Variants in PAFAH1B1 observed in about 807,000 individuals in gnomAD.
PAFAH1B1 encodes the protein platelet activating factor acetylhydrolase 1b regulatory subunit 1.
Under a neutral mutation model 57.5 loss-of-function variants are expected in PAFAH1B1, and 2 were observed. The ratio of observed to expected loss-of-function variants is 0.03; its 90% CI spans 0.01 to 0.11. The LOEUF is 0.11. Ranked by LOEUF, PAFAH1B1 falls within the 10% of genes least tolerant of loss-of-function variation. The pLI is 1.00. For synonymous variants in PAFAH1B1, 152 were observed against 169.6 expected (o/e 0.90, Z 0.81); for missense variants, 257 against 512.0 (o/e 0.50, Z 4.81).
intron 2 of PAFAH1B1, 141 bp from the exon 3 acceptor site, chr17:2,665,231 T>G (rs2069090673): frequency 6.2e-6 from 4 of 646,208 alleles, no homozygotes; most frequent in Non-Finnish European, 1.1e-5. Context: ...GGTGTCCTTT[T>G]TAATGAAATA....
chr17:2,602,843 G>T (rs1237744159), intron 1 of PAFAH1B1, among the ~76,000 whole-genome samples: 2 of 152,208 alleles, frequency 1.3e-5, no homozygotes, highest in East Asian at 1.9e-4. Flanking sequence ...AATTTAGCTA[G>T]CCCTTTGTGA....
intron 5 of PAFAH1B1, among the ~76,000 whole-genome samples, chr17:2,668,168 A>G (rs979644426): frequency 1.3e-5 from 2 of 151,768 alleles, no homozygotes; most frequent in African/African-American, 4.9e-5. Context: ...CTACTAAAAT[A>G]CAAAAAAATT....
chr17:2,615,250 C>T (rs1357165982), intron 1 of PAFAH1B1, among the ~76,000 whole-genome samples: 3 of 152,002 alleles, frequency 2.0e-5, no homozygotes, highest in East Asian at 1.9e-4. Flanking sequence ...ATAAGGGATT[C>T]GAGCATTGTT....
chr17:2,601,929 T>G (rs1444813219), intron 1 of PAFAH1B1, among the ~76,000 whole-genome samples: 1 of 152,198 alleles, frequency 6.6e-6, no homozygotes, highest in East Asian at 1.9e-4. Flanking sequence ...AATGTAGAAA[T>G]GAGCTAAGAT....
intron 2 of PAFAH1B1, among the ~76,000 whole-genome samples, chr17:2,643,319 A>C (rs554543442): frequency 1.6e-4 from 24 of 152,098 alleles, no homozygotes; most frequent in African/African-American, 5.1e-4. Context: ...GGGTCTCGCT[A>C]TATTGCCCAG....
At chr17:2,594,912 G>A (rs562950013) in intron 1 of PAFAH1B1, among the ~76,000 whole-genome samples, 1 of 152,302 alleles carries the variant, frequency 6.6e-6, no homozygotes, top group African/African-American at 2.4e-5. Flanking sequence ...ACCTCTAAAC[G>A]TAGCAGTAGA....
intron 1 of PAFAH1B1, among the ~76,000 whole-genome samples, chr17:2,621,946 A>G (rs1035874602): frequency 6.6e-6 from 1 of 151,944 alleles, no homozygotes; most frequent in Non-Finnish European, 1.5e-5. Flanking sequence ...GGCGAAAGGC[A>G]CCTATTACAT....
At chr17:2,630,915 C>T (rs1478886044) in intron 1 of PAFAH1B1, among the ~76,000 whole-genome samples, 1 of 152,094 alleles carries the variant, frequency 6.6e-6, no homozygotes, top group Non-Finnish European at 1.5e-5. Flanking sequence ...AAAAATAGTA[C>T]ATCCACATGA....
rs369681663 is a variant in PAFAH1B1, at chr17:2,638,206, T to G, written c.-83T>G. 7 of 1,093,706 alleles carry G rather than the reference T, an allele frequency of 6.4e-6. No homozygotes were observed. The highest frequency in any genetic ancestry group is 1.6e-5 in the African/African-American group (1 of 64,252). The allele number at this position is 1,093,706 out of a possible 1,614,324, so 67.8% of individuals were successfully genotyped here. On this transcript the variant is annotated 5_prime_UTR_variant, in exon 2 of 11. Transcript: ENST00000397195. Reference sequence around the variant, plus strand: ...GACACTTAGTGGCATATTTAAATTATAAGTCCACGGATCAAAAAGCTTTTT... The same window carrying G: ...GACACTTAGTGGCATATTTAAATTAGAAGTCCACGGATCAAAAAGCTTTTT...
At chr17:2,648,259 G>T (rs969975258) in intron 2 of PAFAH1B1, among the ~76,000 whole-genome samples, 1 of 152,096 alleles carries the variant, frequency 6.6e-6, no homozygotes, top group South Asian at 2.1e-4. Context: ...ACCTTCCACC[G>T]GGTCCCTCCC....
rs770011553 is a variant in PAFAH1B1, at chr17:2,606,810, C to CTTTTTTTTTTTTTTTTTTTTTTTTTT, written c.-191+12806_-191+12831dup. Among the ~76,000 whole-genome samples, 6 of 101,714 alleles carry CTTTTTTTTTTTTTTTTTTTTTTTTTT rather than the reference C, an allele frequency of 5.9e-5. 3 individuals are homozygous for CTTTTTTTTTTTTTTTTTTTTTTTTTT. Among genetic ancestry groups the CTTTTTTTTTTTTTTTTTTTTTTTTTT allele is most frequent in the African/African-American group, 7.9e-5 (2 of 25,374 alleles). The allele number at this position is 101,714 out of a possible 152,430, so 66.7% of individuals were successfully genotyped here. A position where few individuals can be genotyped will look rare whatever the true frequency, so the allele number is the denominator to read the frequency against. ...ACATTTTGTCATATTTGCCTCAGAGCTTTTTTTTTTTTTTTTTTTTTTTTT... is the reference window on the plus strand; with the variant it reads ...ACATTTTGTCATATTTGCCTCAGAGCTTTTTTTTTTTTTTTTTTTTTTTTTTTTTTTTTTTTTTTTTTTTTTTTTTT... On this transcript the variant is annotated intron_variant, in intron 1 of 10. Coordinates refer to ENST00000397195, the MANE Select transcript of PAFAH1B1 (RefSeq NM_000430.4).
intron 2 of PAFAH1B1, among the ~76,000 whole-genome samples, chr17:2,651,868 T>C (rs2068854710): frequency 6.6e-6 from 1 of 152,140 alleles, no homozygotes; most frequent in Admixed American, 6.6e-5. Context: ...AGTCCATAGT[T>C]GACATTAGGG....
At chr17:2,601,507 T>C (rs551361780) in intron 1 of PAFAH1B1, among the ~76,000 whole-genome samples, 47 of 152,062 alleles carry the variant, frequency 3.1e-4, no homozygotes, top group Non-Finnish European at 5.4e-4. Flanking sequence ...AATGGCATGA[T>C]CTTGGCTTAC....
intron 1 of PAFAH1B1, among the ~76,000 whole-genome samples, chr17:2,625,148 G>A (rs2068473239): frequency 6.6e-6 from 1 of 151,940 alleles, no homozygotes. Flanking sequence ...TTAGACTAGA[G>A]AATGCTTAAG....
chr17:2,611,537 A>G (rs1165118723), intron 1 of PAFAH1B1, among the ~76,000 whole-genome samples: 1 of 152,026 alleles, frequency 6.6e-6, no homozygotes, highest in Non-Finnish European at 1.5e-5. Context: ...TGTGTTTTAT[A>G]TTGCTAGAAT....
intron 2 of PAFAH1B1, among the ~76,000 whole-genome samples, chr17:2,664,698 C>CA (rs2069079727): frequency 6.9e-6 from 1 of 145,822 alleles, no homozygotes; most frequent in Non-Finnish European, 1.5e-5. Flanking sequence ...CTCTCTTTCT[C>CA]TCTCCATCTA....
chr17:2,597,354 G>A (rs1233280533), intron 1 of PAFAH1B1, among the ~76,000 whole-genome samples: 1 of 149,370 alleles, frequency 6.7e-6, no homozygotes. Flanking sequence ...TTTCTGGGAA[G>A]GAAAAGTCAG....
rs978683032 is a variant in PAFAH1B1 at position 2,671,752 on chromosome 17, A to G, written c.569-903A>G. ...AAAGTAGCTGGCAATACAGGCAAGC[A>G]CCACCACACCCGGCTAACTTTTTTA... On this transcript the variant is annotated intron_variant, in intron 6 of 10. Transcript: ENST00000397195. 5.9e-5 allele frequency among the ~76,000 whole-genome samples: 9 copies of G among 151,788 alleles called. No individual in the cohort carries two copies. The South Asian group carries it at 1.5e-3, about 25-fold the overall frequency.
At chr17:2,659,712 C>T (rs1225285525) in intron 2 of PAFAH1B1, among the ~76,000 whole-genome samples, 4 of 151,818 alleles carry the variant, frequency 2.6e-5, no homozygotes, top group African/African-American at 9.7e-5. Context: ...TGGTGCTCAC[C>T]TGTAATCCCA....
Sources: gnomAD v4.1 joint callset for allele counts (sites outside exome capture counted in the v4.1 genomes callset) on GRCh38, gnomAD v4.1.1 for gene constraint, MANE v1.5 for transcripts, NCBI Gene and HGNC (gene_info 2026-07-23, HGNC 2026-07-21) for gene names.